CADM2: variants seen among roughly 807,000 people sequenced by gnomAD.
CADM2 encodes cell adhesion molecule 2.
A neutral mutation model predicts 49.8 loss-of-function variants in CADM2; 12 were observed. The ratio of observed to expected loss-of-function variants is 0.24; its 90% CI spans 0.15 to 0.39. The LOEUF (loss-of-function observed/expected upper bound fraction) is 0.39, where lower values mean the gene tolerates loss of function less well. Ranked by LOEUF, CADM2 falls within the 10% of genes least tolerant of loss-of-function variation. The pLI is 1.00. For synonymous variants in CADM2, 214 were observed against 175.4 expected (o/e 1.22, Z -1.74); for missense variants, 378 against 492.3 (o/e 0.77, Z 2.20).
At chr3:85,399,472 T>C (rs182886440) in intron 1 of CADM2, among the ~76,000 whole-genome samples, 1 of 152,310 alleles carries the variant, frequency 6.6e-6, no homozygotes, top group Admixed American at 6.5e-5. Context: ...TCTTTTTTGG[T>C]TCCATATGAA....
chr3:85,386,823 A>G (rs2034257627), intron 1 of CADM2, among the ~76,000 whole-genome samples: 1 of 152,210 alleles, frequency 6.6e-6, no homozygotes, highest in Admixed American at 6.5e-5. Flanking sequence ...TATTTGCCAG[A>G]AAACACAGAA....
intron 3 of CADM2, among the ~76,000 whole-genome samples, chr3:85,877,446 T>C (rs894461288): frequency 3.3e-5 from 5 of 152,122 alleles, no homozygotes; most frequent in African/African-American, 1.2e-4. Context: ...TTAGGTTCAC[T>C]GTATATTTGG....
At chr3:85,103,828 A>G (rs2038105928) in intron 1 of CADM2, among the ~76,000 whole-genome samples, 1 of 152,158 alleles carries the variant, frequency 6.6e-6, no homozygotes, top group Admixed American at 6.6e-5. Context: ...GGGGAAGAAC[A>G]GTTTTGACCA....
intron 8 of CADM2, among the ~76,000 whole-genome samples, chr3:85,966,772 T>A (rs1272579147): frequency 6.6e-6 from 1 of 151,668 alleles, no homozygotes; most frequent in Non-Finnish European, 1.5e-5. Flanking sequence ...ACTGTTACGG[T>A]TTGTTTTATT....
chr3:85,086,748 A>G (rs1012020073), intron 1 of CADM2, among the ~76,000 whole-genome samples: 1 of 152,020 alleles, frequency 6.6e-6, no homozygotes. Flanking sequence ...AGTGTAAATG[A>G]TCTGCCCACC....
At chr3:85,405,943 AAAGT>A (rs1381907796) in intron 1 of CADM2, among the ~76,000 whole-genome samples, 1 of 151,886 alleles carries the variant, frequency 6.6e-6, no homozygotes, top group African/African-American at 2.4e-5. Context: ...AATAAAATAA[AAAGT>A]AAATAAAAGT....
At chr3:84,994,230 C>T (rs2033056398) in intron 1 of CADM2, among the ~76,000 whole-genome samples, 2 of 152,158 alleles carry the variant, frequency 1.3e-5, no homozygotes, top group Non-Finnish European at 2.9e-5. Context: ...TGAAGAGTGC[C>T]TGCCAAGATC....
At chr3:85,021,802 T>A (rs1406347652) in intron 1 of CADM2, among the ~76,000 whole-genome samples, 11 of 151,994 alleles carry the variant, frequency 7.2e-5, no homozygotes, top group Non-Finnish European at 5.9e-5. Context: ...AAACAAAAAA[T>A]AAAAATACAC....
chr3:85,770,378 G>T (rs984756723), intron 2 of CADM2, among the ~76,000 whole-genome samples: 2 of 151,966 alleles, frequency 1.3e-5, no homozygotes, highest in Non-Finnish European at 2.9e-5. Flanking sequence ...CACCCTCATG[G>T]CTCACTGCAG....
chr3:85,190,705 C>G (rs557130027), intron 1 of CADM2, among the ~76,000 whole-genome samples: 2 of 152,042 alleles, frequency 1.3e-5, no homozygotes, highest in Admixed American at 6.6e-5. Context: ...TACATCAATC[C>G]GAATCTCTGA....
rs538780620 is a variant in CADM2, at chr3:85,305,382, A to G, written c.61+345714A>G. 9.2e-5 allele frequency among the ~76,000 whole-genome samples: 14 copies of G among 151,794 alleles called. No homozygotes were observed. In the East Asian group the frequency reaches 2.7e-3, roughly 29 times the overall value. ...AAAAAATTAACTTTGATATCTATGAATTACCTAACTGGTGATCCTGTAATA... is the reference window on the plus strand; with the variant it reads ...AAAAAATTAACTTTGATATCTATGAGTTACCTAACTGGTGATCCTGTAATA... On this transcript the variant is annotated intron_variant, in intron 1 of 9. Transcript: ENST00000383699.
intron 1 of CADM2, among the ~76,000 whole-genome samples, chr3:85,204,116 C>A (rs1047502870): frequency 1.3e-5 from 2 of 152,132 alleles, no homozygotes; most frequent in African/African-American, 4.8e-5. Flanking sequence ...TAGTTAACAA[C>A]AATTTAAATA....
At chr3:85,381,435 A>G (rs1170057136) in intron 1 of CADM2, among the ~76,000 whole-genome samples, 1 of 147,888 alleles carries the variant, frequency 6.8e-6, no homozygotes, top group Admixed American at 6.8e-5. Context: ...ATATATATAT[A>G]TATAAAGAAA....
chr3:85,856,483 C>T lies in CADM2; in HGVS notation c.239-26808C>T, dbSNP rs7644236. On this transcript the variant is annotated intron_variant, in intron 3 of 9. Transcript: ENST00000383699. ...CACTTTTCCCTTAGCAATAGATTAT[C>T]TCAAACTATATGCTACCCAATTTTT... is the stretch of plus-strand genomic sequence containing the variant. 2.2e-3 allele frequency among the ~76,000 whole-genome samples: 328 copies of T among 152,246 alleles called. 1 individual carries two copies. The highest frequency in any genetic ancestry group is 7.7e-3 in the African/African-American group (319 of 41,534).
At chr3:85,421,730 A>G (rs1354456548) in intron 1 of CADM2, among the ~76,000 whole-genome samples, 1 of 152,210 alleles carries the variant, frequency 6.6e-6, no homozygotes, top group Non-Finnish European at 1.5e-5. Context: ...ATTGTTCACT[A>G]TTGAGTAATT....
At chr3:85,114,805 A>G (rs1047419181) in intron 1 of CADM2, among the ~76,000 whole-genome samples, 1 of 152,198 alleles carries the variant, frequency 6.6e-6, no homozygotes, top group African/African-American at 2.4e-5. Flanking sequence ...ATATATTGCC[A>G]GGCACTTAAA....
At chr3:84,972,297 T>G (rs2031506330) in intron 1 of CADM2, among the ~76,000 whole-genome samples, 1 of 152,240 alleles carries the variant, frequency 6.6e-6, no homozygotes, top group Non-Finnish European at 1.5e-5. Context: ...TAAAGATGTT[T>G]TATAACATAG....
intron 7 of CADM2, among the ~76,000 whole-genome samples, chr3:85,958,916 G>A (rs921685252): frequency 5.3e-5 from 8 of 151,706 alleles, no homozygotes; most frequent in African/African-American, 1.9e-4. Context: ...GGGGTGAGGG[G>A]AGGGAACCTA....
At chr3:85,993,850 T>C (rs962563690) in intron 8 of CADM2, 1 of 152,048 alleles carries the variant, frequency 6.6e-6, no homozygotes, top group Non-Finnish European at 1.5e-5. Context: ...AAATATTCAA[T>C]AAAACATGCT....
Sources: gnomAD v4.1 joint callset for allele counts (sites outside exome capture counted in the v4.1 genomes callset) on GRCh38, gnomAD v4.1.1 for gene constraint, MANE v1.5 for transcripts, NCBI Gene and HGNC (gene_info 2026-07-23, HGNC 2026-07-21) for gene names.